FANCC: variants seen among roughly 807,000 people sequenced by gnomAD.
The protein encoded by FANCC is FA complementation group C, also known as Fanconi anemia group C protein.
Under a neutral mutation model 71.3 loss-of-function variants are expected in FANCC, and 55 were observed. That is an observed-to-expected ratio of 0.77 (90% CI 0.62 to 0.97). The LOEUF is 0.97. FANCC is among the 50% of genes least tolerant of loss of function. The probability of loss-of-function intolerance (pLI) is 0.00; values close to 1 mark genes in which losing one functional copy is unlikely to be tolerated. For missense variants in FANCC, 678 were observed against 670.9 expected, an observed-to-expected ratio of 1.01 and a Z score of -0.12; for synonymous variants, 275 against 244.9, an observed-to-expected ratio of 1.12 and a Z score of -1.15.
intron 4 of FANCC, among the ~76,000 whole-genome samples, chr9:95,173,775 G>A (rs952575824): frequency 2.0e-5 from 3 of 152,114 alleles, no homozygotes; most frequent in Non-Finnish European, 2.9e-5. Context: ...AAAATTAGCT[G>A]GGCATGGTGG....
At chr9:95,247,974 G>A (rs1277443649) in intron 2 of FANCC, among the ~76,000 whole-genome samples, 2 of 152,146 alleles carry the variant, frequency 1.3e-5, no homozygotes, top group African/African-American at 4.8e-5. Flanking sequence ...GGTTTAAAGG[G>A]ATGAGAACTC....
intron 6 of FANCC, among the ~76,000 whole-genome samples, chr9:95,161,329 A>T (rs901295258): frequency 6.6e-6 from 1 of 152,258 alleles, no homozygotes; most frequent in Non-Finnish European, 1.5e-5. Context: ...ATCAACCTCC[A>T]GGAAATATGG....
intron 1 of FANCC, among the ~76,000 whole-genome samples, chr9:95,302,251 T>C (rs1266135494): frequency 6.6e-6 from 1 of 152,178 alleles, no homozygotes; most frequent in Non-Finnish European, 1.5e-5. Context: ...AAGGGGTCAC[T>C]GGCCAACCCT....
chr9:95,258,374 G>C (rs1831801638), intron 1 of FANCC, among the ~76,000 whole-genome samples: 1 of 152,146 alleles, frequency 6.6e-6, no homozygotes, highest in Non-Finnish European at 1.5e-5. Flanking sequence ...GGGATGCAAG[G>C]CTGGTTCAAC....
rs982888596 is a variant in FANCC at position 95,111,144 on chromosome 9, C to T, written c.1329+319G>A. 51 of 1,534,444 alleles carry T rather than the reference C, an allele frequency of 3.3e-5. No individual in the cohort carries two copies. In the Admixed American group the frequency reaches 3.3e-4, roughly 10 times the overall value. ...CAGAACAGCCCGCCTCTGCAGGGCA[C>T]GCCTTGGAGGACGCGACCCTGGGGC... On this transcript the variant is annotated intron_variant, in intron 13 of 14. Transcript: ENST00000289081.
intron 1 of FANCC, among the ~76,000 whole-genome samples, chr9:95,301,363 G>C (rs79488977): frequency 0.01 from 1,591 of 152,204 alleles, 30 homozygotes; most frequent in African/African-American, 0.037. Context: ...ATATGTGTAA[G>C]TACAGGAAGT....
intron 12 of FANCC, chr9:95,113,603 G>C (rs2072137941): frequency 6.6e-6 from 1 of 150,980 alleles, no homozygotes; most frequent in African/African-American, 2.4e-5. Context: ...AAGCAATACA[G>C]CAAGACCTCT....
chr9:95,203,935 C>T (rs1371359086), intron 4 of FANCC, among the ~76,000 whole-genome samples: 1 of 152,260 alleles, frequency 6.6e-6, no homozygotes, highest in Middle Eastern at 3.4e-3. Flanking sequence ...TTGTAGGCCT[C>T]CTGAAATAGT....
chr9:95,284,860 T>TCACACA (rs1180807258), intron 1 of FANCC, among the ~76,000 whole-genome samples: 3 of 125,564 alleles, frequency 2.4e-5, no homozygotes, highest in Admixed American at 1.7e-4. Context: ...CTCCTCTCTC[T>TCACACA]CACACACACA....
At chr9:95,225,471 C>A (rs1274096803) in intron 4 of FANCC, among the ~76,000 whole-genome samples, 4 of 152,042 alleles carry the variant, frequency 2.6e-5, no homozygotes, top group Non-Finnish European at 4.4e-5. Flanking sequence ...TCAGAAGGGG[C>A]CTGGAGGATA....
intron 12 of FANCC, among the ~76,000 whole-genome samples, 189 bp from the exon 13 acceptor site, chr9:95,111,826 C>G (rs2071962618): frequency 6.6e-6 from 1 of 152,210 alleles, no homozygotes; most frequent in African/African-American, 2.4e-5. Flanking sequence ...CACAGGACAT[C>G]GAAAGAGTGC....
chr9:95,148,557 A>T (rs1280007292), intron 7 of FANCC, among the ~76,000 whole-genome samples: 1 of 152,252 alleles, frequency 6.6e-6, no homozygotes, highest in Admixed American at 6.5e-5. Flanking sequence ...CATAAGCTTG[A>T]CAGCTTCCCA....
At chr9:95,187,101 G>A (rs1397288187) in intron 4 of FANCC, among the ~76,000 whole-genome samples, 2 of 151,730 alleles carry the variant, frequency 1.3e-5, no homozygotes, top group African/African-American at 2.4e-5. Flanking sequence ...ACGGTGTTAG[G>A]TCTCCTCAGT....
At chr9:95,163,880 A>C (rs948592907) in intron 6 of FANCC, among the ~76,000 whole-genome samples, 39 of 152,212 alleles carry the variant, frequency 2.6e-4, no homozygotes, top group Middle Eastern at 3.4e-3. Flanking sequence ...AACAAACCCC[A>C]AAAAAACCAT....
chr9:95,111,722 C>T (rs1345517371), intron 12 of FANCC, 85 bp from the exon 13 acceptor site: 39 of 1,526,866 alleles, frequency 2.6e-5, no homozygotes, highest in Admixed American at 1.4e-4. Context: ...CGTTTGCCAA[C>T]GGTTGGCTTA....
intron 7 of FANCC, chr9:95,145,387 A>G (rs1319232399): frequency 6.6e-6 from 1 of 152,218 alleles, no homozygotes; most frequent in Admixed American, 6.5e-5. Flanking sequence ...CAAAAGCTTA[A>G]CAAATGGTAA....
At chr9:95,275,420 G>A (rs1053831229) in intron 1 of FANCC, among the ~76,000 whole-genome samples, 6 of 152,084 alleles carry the variant, frequency 3.9e-5, no homozygotes, top group Non-Finnish European at 8.8e-5. Context: ...CTATAATAGC[G>A]GACACATGTA....
At chr9:95,293,075 A>C (rs1588428820) in intron 1 of FANCC, 12 of 1,609,260 alleles carry the variant, frequency 7.5e-6, no homozygotes, top group South Asian at 4.4e-5. Context: ...GAATCATTTA[A>C]CAACCAACCA....
At chr9:95,278,214 A>G (rs1390999585) in intron 1 of FANCC, among the ~76,000 whole-genome samples, 2 of 152,204 alleles carry the variant, frequency 1.3e-5, no homozygotes, top group Non-Finnish European at 2.9e-5. Context: ...GGTAATATGT[A>G]TAACAATAAT....
Sources: allele counts gnomAD v4.1 joint callset (sites outside exome capture counted in the v4.1 genomes callset), GRCh38; gene constraint gnomAD v4.1.1; transcripts MANE v1.5; gene names NCBI Gene and HGNC (gene_info 2026-07-23, HGNC 2026-07-21).